TAOK3: variants seen among roughly 807,000 people sequenced by gnomAD.
The protein encoded by TAOK3 is serine/threonine-protein kinase TAO3.
In TAOK3, 40 loss-of-function variants were observed where a neutral mutation model predicts 120.4. The observed-to-expected ratio is 0.33, with a 90% confidence interval of 0.26 to 0.43. TAOK3 has a LOEUF of 0.43. Among genes scored for constraint, TAOK3 ranks in the 20% least tolerant of loss-of-function variants. TAOK3 has a pLI of 1.00. For missense variants in TAOK3, 821 were observed against 1,112.1 expected (o/e 0.74, Z 3.72); for synonymous variants, 355 against 387.5 (o/e 0.92, Z 0.99).
chr12:118,221,379 G>A (rs563183737), intron 9 of TAOK3, among the ~76,000 whole-genome samples: 2 of 151,994 alleles, frequency 1.3e-5, no homozygotes, highest in African/African-American at 2.4e-5. Flanking sequence ...ATGTGCCACT[G>A]TGCCCAGCTA....
At chr12:118,234,436 C>T (rs903109590) in intron 8 of TAOK3, among the ~76,000 whole-genome samples, 15 of 151,426 alleles carry the variant, frequency 9.9e-5, no homozygotes, top group African/African-American at 2.7e-4. Flanking sequence ...AGTAGAGACG[C>T]GGTTTCACCA....
intron 11 of TAOK3, among the ~76,000 whole-genome samples, chr12:118,205,892 T>A (rs2038278601): frequency 6.6e-6 from 1 of 151,880 alleles, no homozygotes; most frequent in Non-Finnish European, 1.5e-5. Flanking sequence ...ATTACAGGCA[T>A]GAGCCACAGC....
intron 17 of TAOK3, among the ~76,000 whole-genome samples, chr12:118,164,105 G>A (rs951039327): frequency 6.6e-6 from 1 of 151,584 alleles, no homozygotes; most frequent in Non-Finnish European, 1.5e-5. Flanking sequence ...GGTGGATCAC[G>A]AGGTCAGGAG....
intron 1 of TAOK3, among the ~76,000 whole-genome samples, chr12:118,282,549 T>C (rs576979640): frequency 1.3e-5 from 2 of 152,292 alleles, no homozygotes; most frequent in Admixed American, 6.5e-5. Flanking sequence ...TTGCAAATAA[T>C]AGAAACCAAC....
chr12:118,189,535 G>GACACACAC (rs869285530), intron 14 of TAOK3, among the ~76,000 whole-genome samples: 34 of 132,292 alleles, frequency 2.6e-4, no homozygotes, highest in Admixed American at 5.4e-4. Context: ...CACAGACACA[G>GACACACAC]ACACACACAC....
chr12:118,324,147 G>T (rs2043833093), intron 1 of TAOK3, among the ~76,000 whole-genome samples: 1 of 152,170 alleles, frequency 6.6e-6, no homozygotes, highest in East Asian at 1.9e-4. Flanking sequence ...CATCAAAAGT[G>T]GAAATATTCA....
At position 118,266,684 on chromosome 12, in the gene TAOK3, A is replaced by G; in HGVS notation, c.-118T>C. On this transcript the variant is annotated 5_prime_UTR_variant, in exon 2 of 21. Coordinates refer to ENST00000392533, the MANE Select transcript of TAOK3 (RefSeq NM_016281.4). ...TTGTGTGTGGCACAAAATATTCCAT[A>G]TTGCTCAGATTCATTTTAGCAGCAA... 1 of 398,048 alleles carries G rather than the reference A, an allele frequency of 2.5e-6. No individual in the cohort carries two copies. Among genetic ancestry groups the G allele is most frequent in the Admixed American group, 4.4e-5 (1 of 22,716 alleles). The allele number at this position is 398,048 out of a possible 1,614,324, so 24.7% of individuals were successfully genotyped here. A position where few individuals can be genotyped will look rare whatever the true frequency, so the allele number is the denominator to read the frequency against.
chr12:118,365,455 C>T (rs1328255682), intron 1 of TAOK3, among the ~76,000 whole-genome samples: 1 of 152,062 alleles, frequency 6.6e-6, no homozygotes, highest in Admixed American at 6.6e-5. Flanking sequence ...CACTGTGTTG[C>T]CCAGCCTGGT....
At chr12:118,363,018 C>CAAAAAAAAAAAAAAAAAAAGAAA (rs2045645079) in intron 1 of TAOK3, among the ~76,000 whole-genome samples, 1 of 45,862 alleles carries the variant, frequency 2.2e-5, no homozygotes, top group Non-Finnish European at 3.9e-5. Flanking sequence ...GACTCCGTAT[C>CAAAAAAAAAAAAAAAAAAAGAAA]AAAAAAAAAA....
chr12:118,226,035 T>G (rs1244352009), intron 9 of TAOK3, among the ~76,000 whole-genome samples: 1 of 152,018 alleles, frequency 6.6e-6, no homozygotes, highest in African/African-American at 2.4e-5. Context: ...AGATCAGGAG[T>G]TTGAGACTAG....
chr12:118,166,224 A>G (rs1317245155), intron 17 of TAOK3, among the ~76,000 whole-genome samples: 1 of 152,214 alleles, frequency 6.6e-6, no homozygotes, highest in Non-Finnish European at 1.5e-5. Context: ...TTAGCTTCTC[A>G]GCATTTTCCA....
chr12:118,215,218 G>A (rs1281624740), intron 9 of TAOK3, among the ~76,000 whole-genome samples: 1 of 145,838 alleles, frequency 6.9e-6, no homozygotes, highest in Admixed American at 6.8e-5. Flanking sequence ...CAAAATGGCC[G>A]GGCGCGGTGG....
At chr12:118,320,496 T>C (rs1216742516) in intron 1 of TAOK3, among the ~76,000 whole-genome samples, 1 of 152,076 alleles carries the variant, frequency 6.6e-6, no homozygotes, top group African/African-American at 2.4e-5. Context: ...CTCTGGGTAA[T>C]CTGCTGAAAG....
At chr12:118,222,849 C>T (rs931400093) in intron 9 of TAOK3, among the ~76,000 whole-genome samples, 1 of 151,958 alleles carries the variant, frequency 6.6e-6, no homozygotes, top group Non-Finnish European at 1.5e-5. Flanking sequence ...GTGACAAGTG[C>T]ACTAAAATCT....
At chr12:118,195,294 T>C (rs1227538280) in intron 13 of TAOK3, among the ~76,000 whole-genome samples, 1 of 152,204 alleles carries the variant, frequency 6.6e-6, no homozygotes, top group African/African-American at 2.4e-5. Flanking sequence ...AATTTTATAC[T>C]TTAGTAAAAT....
rs926409908 is a variant in TAOK3 at position 118,235,794 on chromosome 12, C to T, written c.438-123G>A. 35 of 645,524 alleles carry T rather than the reference C, an allele frequency of 5.4e-5. No homozygotes were observed. The African/African-American group carries it at 6.2e-4, about 11-fold the overall frequency. 40.0% of individuals were successfully genotyped at this position (645,524 alleles called of 1,614,324 possible). On this transcript the variant is annotated intron_variant, in intron 7 of 20. Transcript: ENST00000392533. ...CGAACAAACAAACAAACAAAACAAA[C>T]CTTGCTCAGATAGCCAGAAGGAGAT...
At chr12:118,356,295 CTTTTTT>C (rs949021724) in intron 1 of TAOK3, among the ~76,000 whole-genome samples, 4 of 109,338 alleles carry the variant, frequency 3.7e-5, no homozygotes, top group Admixed American at 3.0e-4. Context: ...TGGTCACTTT[CTTTTTT>C]TTTTTTTTTT....
chr12:118,264,124 C>T (rs555249123), intron 2 of TAOK3, among the ~76,000 whole-genome samples: 37 of 152,336 alleles, frequency 2.4e-4, no homozygotes, highest in Non-Finnish European at 4.7e-4. Flanking sequence ...ATCTTTCATA[C>T]ACTGCTGGTG....
chr12:118,300,021 A>G (rs1260467398), intron 1 of TAOK3, among the ~76,000 whole-genome samples: 2 of 152,166 alleles, frequency 1.3e-5, no homozygotes, highest in African/African-American at 4.8e-5. Context: ...ATATGTACAA[A>G]TAAAGCAGAA....
Sources: gnomAD v4.1 joint callset for allele counts (sites outside exome capture counted in the v4.1 genomes callset) on GRCh38, gnomAD v4.1.1 for gene constraint, MANE v1.5 for transcripts, NCBI Gene and HGNC (gene_info 2026-07-23, HGNC 2026-07-21) for gene names.